The following CCDC91 variants were observed in gnomAD, a reference collection of about 807,000 sequenced individuals.
The protein encoded by CCDC91 is coiled-coil domain containing 91.
Under a neutral mutation model 63.2 loss-of-function variants are expected in CCDC91, and 48 were observed. The ratio of observed to expected loss-of-function variants is 0.76; its 90% CI spans 0.60 to 0.97. The LOEUF (loss-of-function observed/expected upper bound fraction) is 0.97. Ranked by LOEUF, CCDC91 falls within the 50% of genes least tolerant of loss-of-function variation. The pLI, the probability that CCDC91 is intolerant of heterozygous loss-of-function variation, is 0.00. For synonymous variants in CCDC91, 167 were observed against 165.8 expected, an observed-to-expected ratio of 1.01 and a Z score of -0.06; for missense variants, 500 against 494.6, an observed-to-expected ratio of 1.01 and a Z score of -0.10.
intron 8 of CCDC91, among the ~76,000 whole-genome samples, chr12:28,445,162 G>A (rs1026669618): frequency 2.6e-5 from 4 of 152,146 alleles, no homozygotes; most frequent in East Asian, 1.9e-4. Context: ...TATCAAATGA[G>A]TGATAATTTA....
intron 11 of CCDC91, among the ~76,000 whole-genome samples, chr12:28,470,516 G>A (rs1477905962): frequency 6.6e-6 from 1 of 152,064 alleles, no homozygotes; most frequent in Non-Finnish European, 1.5e-5. Context: ...CCACTGTGGA[G>A]AAGGGTTTGG....
chr12:28,407,658 G>A (rs1394849092), intron 8 of CCDC91, among the ~76,000 whole-genome samples: 2 of 152,028 alleles, frequency 1.3e-5, no homozygotes, highest in African/African-American at 4.8e-5. Flanking sequence ...GTTGATTTTG[G>A]TTGAGTTGAA....
At chr12:28,347,874 C>G (rs1942921785) in intron 6 of CCDC91, among the ~76,000 whole-genome samples, 1 of 152,336 alleles carries the variant, frequency 6.6e-6, no homozygotes, top group African/African-American at 2.4e-5. Flanking sequence ...CCCCCTCTCC[C>G]CCAGATCAGC....
At chr12:28,267,886 TTATA>T (rs1430107002) in intron 3 of CCDC91, among the ~76,000 whole-genome samples, 12,040 of 68,478 alleles carry the variant, frequency 0.18, 2,239 homozygotes, top group Non-Finnish European at 0.26. Flanking sequence ...TATATAATTA[TTATA>T]ATTATATATA....
At chr12:28,538,946 A>T (rs1428224563) in intron 12 of CCDC91, among the ~76,000 whole-genome samples, 2 of 151,938 alleles carry the variant, frequency 1.3e-5, no homozygotes, top group Non-Finnish European at 2.9e-5. Flanking sequence ...CCACTTTTTG[A>T]TGGGGTTGTT....
At chr12:28,460,453 A>G (rs746354525) in intron 11 of CCDC91, among the ~76,000 whole-genome samples, 1 of 152,140 alleles carries the variant, frequency 6.6e-6, no homozygotes, top group Non-Finnish European at 1.5e-5. Flanking sequence ...CTTGTGACTC[A>G]TGTAATTTTG....
intron 4 of CCDC91, 79 bp from the exon 5 acceptor site, chr12:28,306,663 T>C (rs1235274148): frequency 3.2e-6 from 3 of 942,142 alleles, no homozygotes; most frequent in African/African-American, 1.7e-5. Flanking sequence ...ATGTGGTTTC[T>C]AGTGCCCTTT....
chr12:28,365,951 G>C (rs1944244588), intron 7 of CCDC91, among the ~76,000 whole-genome samples: 1 of 151,994 alleles, frequency 6.6e-6, no homozygotes, highest in Non-Finnish European at 1.5e-5. Flanking sequence ...CTTTTTTCCT[G>C]TCCCTGTTGA....
At chr12:28,434,930 T>A (rs1948826353) in intron 8 of CCDC91, among the ~76,000 whole-genome samples, 1 of 151,722 alleles carries the variant, frequency 6.6e-6, no homozygotes, top group African/African-American at 2.4e-5. Flanking sequence ...GATTTGTTCA[T>A]AGTACTATTT....
intron 8 of CCDC91, among the ~76,000 whole-genome samples, chr12:28,443,180 G>A (rs55934656): frequency 6.7e-6 from 1 of 148,622 alleles, no homozygotes; most frequent in Admixed American, 6.7e-5. Flanking sequence ...TATGATCTAG[G>A]TCTCTAATTC....
intron 6 of CCDC91, among the ~76,000 whole-genome samples, chr12:28,324,194 C>T (rs1286233641): frequency 6.6e-6 from 1 of 151,458 alleles, no homozygotes; most frequent in African/African-American, 2.4e-5. Flanking sequence ...GAAAATGTAA[C>T]TTGGGGGTGA....
At chr12:28,291,292 G>C (rs1949231100) in intron 3 of CCDC91, among the ~76,000 whole-genome samples, 1 of 152,164 alleles carries the variant, frequency 6.6e-6, no homozygotes, top group Non-Finnish European at 1.5e-5. Context: ...GTTGGCAAGA[G>C]GTCAGGTAAA....
At chr12:28,509,710 T>C (rs1374090758) in intron 12 of CCDC91, among the ~76,000 whole-genome samples, 1 of 151,930 alleles carries the variant, frequency 6.6e-6, no homozygotes, top group Non-Finnish European at 1.5e-5. Context: ...TAGGTACTAT[T>C]CGAATGAAAA....
intron 3 of CCDC91, chr12:28,302,735 C>A: frequency 1.5e-6 from 1 of 678,412 alleles, no homozygotes; most frequent in Non-Finnish European, 1.8e-6. Context: ...AAACATGAAG[C>A]AAAGCAGGTT....
chr12:28,295,273 C>A (rs750295105), intron 3 of CCDC91, among the ~76,000 whole-genome samples: 1 of 152,072 alleles, frequency 6.6e-6, no homozygotes, highest in African/African-American at 2.4e-5. Context: ...AGACTAAAAT[C>A]TTTAATATAT....
chr12:28,350,261 C>CT (rs1943093759), intron 6 of CCDC91, among the ~76,000 whole-genome samples: 1 of 152,058 alleles, frequency 6.6e-6, no homozygotes, highest in Non-Finnish European at 1.5e-5. Context: ...TCTGCCATTT[C>CT]TTTTAAAGAT....
intron 7 of CCDC91, among the ~76,000 whole-genome samples, chr12:28,389,798 G>T (rs1945824397): frequency 6.6e-6 from 1 of 151,996 alleles, no homozygotes; most frequent in Non-Finnish European, 1.5e-5. Context: ...TACAAAAGAT[G>T]CTGTGATTAT....
At chr12:28,302,480 T>G (rs1466147186) in intron 3 of CCDC91, among the ~76,000 whole-genome samples, 1 of 152,092 alleles carries the variant, frequency 6.6e-6, no homozygotes, top group African/African-American at 2.4e-5. Flanking sequence ...AACTTTGGCT[T>G]AGAAGAGTTA....
intron 1 of CCDC91, among the ~76,000 whole-genome samples, chr12:28,248,804 A>G (rs958080094): frequency 2.0e-5 from 3 of 152,162 alleles, no homozygotes; most frequent in Non-Finnish European, 4.4e-5. Flanking sequence ...TTTAAACTGT[A>G]GGGCTTGGAG....
Sources: allele counts gnomAD v4.1 joint callset (sites outside exome capture counted in the v4.1 genomes callset), GRCh38; gene constraint gnomAD v4.1.1; transcripts MANE v1.5; gene names NCBI Gene and HGNC (gene_info 2026-07-23, HGNC 2026-07-21).